The following GRID1 variants were observed in gnomAD, a reference collection of about 807,000 sequenced individuals.
GRID1 encodes the protein glutamate receptor ionotropic, delta-1.
Under a neutral mutation model 98.0 loss-of-function variants are expected in GRID1, and 28 were observed. The observed-to-expected ratio is 0.29, with a 90% CI of 0.21 to 0.39. GRID1 has a LOEUF of 0.39. Among genes scored for constraint, GRID1 ranks in the 10% least tolerant of loss-of-function variants. The pLI is 1.00. For missense variants in GRID1, 1,111 were observed against 1,340.5 expected (o/e 0.83, Z 2.67); for synonymous variants, 553 against 538.5 (o/e 1.03, Z -0.37).
Position 85,599,788 on chromosome 10 carries a change from T to TAAAAAAAAAAAAAAAAAAAAAAAAAAA in GRID1, c.*2484_*2485insTTTTTTTTTTTTTTTTTTTTTTTTTTT. ...CCCTCATGCCAAGGGTAGAAAATTCTAAAAAAAAAAAAAAATATATATATA... is the reference window on the plus strand; with the variant it reads ...CCCTCATGCCAAGGGTAGAAAATTCTAAAAAAAAAAAAAAAAAAAAAAAAAAAAAAAAAAAAAAAAAATATATATATA... On this transcript the variant is annotated 3_prime_UTR_variant, in exon 16 of 16. Transcript: ENST00000327946. 1 of 76,114 alleles carries TAAAAAAAAAAAAAAAAAAAAAAAAAAA rather than the reference T, an allele frequency of 1.3e-5. No homozygotes were observed. The highest frequency in any genetic ancestry group is 2.2e-5 in the Non-Finnish European group (1 of 44,656). 4.7% of individuals were successfully genotyped at this position (76,114 alleles called of 1,614,324 possible).
At chr10:86,131,563 C>T (rs1326807349) in intron 4 of GRID1, among the ~76,000 whole-genome samples, 4 of 152,110 alleles carry the variant, frequency 2.6e-5, no homozygotes, top group African/African-American at 9.7e-5. Context: ...GCCTCCCAGA[C>T]AGTCTCTGTA....
chr10:86,319,524 C>T (rs1353526641), intron 2 of GRID1, among the ~76,000 whole-genome samples: 1 of 152,150 alleles, frequency 6.6e-6, no homozygotes, highest in African/African-American at 2.4e-5. Flanking sequence ...GGGTGGGATC[C>T]CCTCCCCCTG....
At chr10:85,720,035 A>G (rs1198244409) in intron 12 of GRID1, among the ~76,000 whole-genome samples, 1 of 152,102 alleles carries the variant, frequency 6.6e-6, no homozygotes, top group African/African-American at 2.4e-5. Flanking sequence ...TGTCAATAAT[A>G]CCTCAAAAAG....
At chr10:85,962,326 C>A (rs1412143060) in intron 4 of GRID1, among the ~76,000 whole-genome samples, 1 of 152,220 alleles carries the variant, frequency 6.6e-6, no homozygotes, top group Non-Finnish European at 1.5e-5. Flanking sequence ...CTACAGCCTT[C>A]TTTCCCAATT....
chr10:85,804,258 A>G (rs1842602491), intron 8 of GRID1, among the ~76,000 whole-genome samples: 1 of 151,878 alleles, frequency 6.6e-6, no homozygotes, highest in African/African-American at 2.4e-5. Flanking sequence ...TATAAATAAT[A>G]TGCCAATGAA....
At chr10:86,235,300 C>A (rs1846519910) in intron 2 of GRID1, among the ~76,000 whole-genome samples, 1 of 152,228 alleles carries the variant, frequency 6.6e-6, no homozygotes, top group African/African-American at 2.4e-5. Context: ...GCAGTGTGGA[C>A]CACAGACCCA....
intron 4 of GRID1, among the ~76,000 whole-genome samples, chr10:85,967,028 T>C (rs1260449950): frequency 6.6e-6 from 1 of 152,174 alleles, no homozygotes; most frequent in Non-Finnish European, 1.5e-5. Flanking sequence ...CTCATGGTAG[T>C]GAATAAGTCT....
intron 3 of GRID1, among the ~76,000 whole-genome samples, chr10:86,161,044 T>TCTCA (rs1845314621): frequency 6.6e-6 from 1 of 152,154 alleles, no homozygotes; most frequent in African/African-American, 2.4e-5. Flanking sequence ...CCCAGCTGGC[T>TCTCA]CTCAGGAAAG....
In GRID1 at chr10:86,329,296, T is replaced by A. The variant is rs547703590; in HGVS notation, c.235+34645A>T. ...TGGCCAGGCTGCCTCTCCCCAGCTGTCATACCATGGGCCCTCCTCTAGGGC... is the reference window on the plus strand; with the variant it reads ...TGGCCAGGCTGCCTCTCCCCAGCTGACATACCATGGGCCCTCCTCTAGGGC... On this transcript the variant is annotated intron_variant, in intron 2 of 15. Transcript: ENST00000327946. 3.3e-3 allele frequency among the ~76,000 whole-genome samples: 499 copies of A among 152,306 alleles called. 1 individual carries two copies. Among genetic ancestry groups the A allele is most frequent in the Admixed American group, 5.7e-3 (87 of 15,310 alleles).
chr10:86,088,044 C>A (rs1248185111), intron 4 of GRID1, among the ~76,000 whole-genome samples: 2 of 152,252 alleles, frequency 1.3e-5, no homozygotes, highest in East Asian at 3.9e-4. Flanking sequence ...TCCAGCCCCA[C>A]AAACGCTTCC....
intron 2 of GRID1, among the ~76,000 whole-genome samples, chr10:86,251,991 T>A (rs2132049649): frequency 6.6e-6 from 1 of 152,294 alleles, no homozygotes; most frequent in East Asian, 1.9e-4. Flanking sequence ...TGGTTAGATG[T>A]CATCCTCACT....
intron 12 of GRID1, among the ~76,000 whole-genome samples, chr10:85,653,720 A>G (rs905321652): frequency 2.0e-5 from 3 of 152,216 alleles, no homozygotes; most frequent in Non-Finnish European, 2.9e-5. Context: ...CTAATCAGTC[A>G]TCATGGGAGG....
intron 3 of GRID1, among the ~76,000 whole-genome samples, chr10:86,187,963 C>G (rs768639700): frequency 1.2e-4 from 19 of 152,156 alleles, no homozygotes; most frequent in Non-Finnish European, 2.6e-4. Flanking sequence ...CACCAAAAGC[C>G]CATTGGTGGG....
In GRID1 at chr10:85,724,494, G is replaced by C; in HGVS notation, c.1716C>G (p.Ala572=). 6.2e-7 allele frequency: 1 copy of C among 1,614,144 alleles called. No homozygotes were observed. The highest frequency in any genetic ancestry group is 8.5e-7 in the Non-Finnish European group (1 of 1,180,022). The part of the protein sequence containing the change: ...DFAVWACIAA[A]IPVVGVLIFV... Reference sequence around the variant, plus strand: ...ATATCAGCACACCAACCACAGGGATGGCTGCTGCAATGCAGGCCCACACAG... The same window carrying C: ...ATATCAGCACACCAACCACAGGGATCGCTGCTGCAATGCAGGCCCACACAG... Residue 572 remains alanine (A), a synonymous_variant, in exon 11 of 16, where the codon GCC becomes GCG. Transcript: ENST00000327946.
chr10:86,269,585 G>A (rs1372319485), intron 2 of GRID1, among the ~76,000 whole-genome samples: 3 of 152,134 alleles, frequency 2.0e-5, no homozygotes, highest in African/African-American at 7.2e-5. Context: ...GAGTTCTCTT[G>A]GCCTCGGCCT....
chr10:85,877,071 G>C (rs895522304), intron 5 of GRID1, among the ~76,000 whole-genome samples: 1 of 152,370 alleles, frequency 6.6e-6, no homozygotes, highest in South Asian at 2.1e-4. Flanking sequence ...GCCTGCCATT[G>C]CCCAGGCTTG....
At chr10:85,804,065 A>G (rs1229506109) in intron 8 of GRID1, among the ~76,000 whole-genome samples, 1 of 151,862 alleles carries the variant, frequency 6.6e-6, no homozygotes, top group Non-Finnish European at 1.5e-5. Context: ...AATTGAAAAA[A>G]AACAGAAAAT....
chr10:85,891,907 C>A (rs1362377191), intron 5 of GRID1, among the ~76,000 whole-genome samples: 1 of 151,932 alleles, frequency 6.6e-6, no homozygotes, highest in African/African-American at 2.4e-5. Flanking sequence ...AATCCTCAAT[C>A]AATCAATAGA....
intron 4 of GRID1, among the ~76,000 whole-genome samples, chr10:85,958,825 C>T (rs1218687087): frequency 6.6e-6 from 1 of 151,878 alleles, no homozygotes; most frequent in Non-Finnish European, 1.5e-5. Flanking sequence ...GGCATGATGG[C>T]ACATGCCTGT....
Sources: gnomAD v4.1 joint callset for allele counts (sites outside exome capture counted in the v4.1 genomes callset) on GRCh38, gnomAD v4.1.1 for gene constraint, MANE v1.5 for transcripts, NCBI Gene and HGNC (gene_info 2026-07-23, HGNC 2026-07-21) for gene names.